ATP8B4: variants seen among roughly 807,000 people sequenced by gnomAD.
The protein encoded by ATP8B4 is probable phospholipid-transporting ATPase IM.
A neutral mutation model predicts 145.6 loss-of-function variants in ATP8B4; 133 were observed. The ratio of observed to expected loss-of-function variants is 0.91; its 90% CI spans 0.79 to 1.05. The LOEUF is 1.05. ATP8B4 is among the 50% of genes least tolerant of loss of function. The probability of loss-of-function intolerance (pLI) is 0.00; values close to 1 mark genes in which losing one functional copy is unlikely to be tolerated. For missense variants in ATP8B4, 1,458 were observed against 1,425.2 expected (o/e 1.02, Z -0.37); for synonymous variants, 507 against 492.9 (o/e 1.03, Z -0.38).
At chr15:49,860,683 TTAAG>T (rs2031521234) in intron 27 of ATP8B4, among the ~76,000 whole-genome samples, 1 of 152,170 alleles carries the variant, frequency 6.6e-6, no homozygotes, top group African/African-American at 2.4e-5. Context: ...CGAGACACTA[TTAAG>T]TAATTAAGAA....
At chr15:50,085,502 G>C (rs768056428) in intron 2 of ATP8B4, among the ~76,000 whole-genome samples, 1 of 151,918 alleles carries the variant, frequency 6.6e-6, no homozygotes, top group Admixed American at 6.6e-5. Context: ...GCAGATCCAC[G>C]CAGTGCCGTA....
At chr15:49,876,010 C>T (rs1021247231) in intron 25 of ATP8B4, among the ~76,000 whole-genome samples, 1 of 151,892 alleles carries the variant, frequency 6.6e-6, no homozygotes, top group Non-Finnish European at 1.5e-5. Flanking sequence ...ATAGTATAAT[C>T]ATTTCTCTTT....
In ATP8B4 at chr15:50,053,246, AT is replaced by A. The variant is rs540704309; in HGVS notation, c.88-5783del. 5.3e-5 allele frequency among the ~76,000 whole-genome samples: 8 copies of A among 152,336 alleles called. No homozygotes were observed. The South Asian group carries it at 1.7e-3, about 32-fold the overall frequency. On this transcript the variant is annotated intron_variant, in intron 3 of 27. Transcript: ENST00000284509. ...GAAGGGAAATCCAAGGTTCAGAGAG[AT>A]TAAGTAACTTACTAACTTACACGAG...
chr15:50,114,163 C>CATGAGTAA (rs1309841535), intron 1 of ATP8B4, among the ~76,000 whole-genome samples: 1 of 109,548 alleles, frequency 9.1e-6, no homozygotes, highest in Non-Finnish European at 1.7e-5. Flanking sequence ...AGTTTGGTTA[C>CATGAGTAA]ATGAGTAAGT....
intron 3 of ATP8B4, among the ~76,000 whole-genome samples, chr15:50,053,920 A>G (rs186082459): frequency 6.6e-6 from 1 of 152,358 alleles, no homozygotes; most frequent in East Asian, 1.9e-4. Flanking sequence ...ATTAGCAAAC[A>G]TTTGGAGCAT....
intron 1 of ATP8B4, among the ~76,000 whole-genome samples, chr15:50,170,332 A>T (rs957446594): frequency 6.6e-6 from 1 of 152,218 alleles, no homozygotes; most frequent in Non-Finnish European, 1.5e-5. Context: ...TTCTCAGCAG[A>T]AACCCTACAA....
intron 1 of ATP8B4, among the ~76,000 whole-genome samples, chr15:50,110,999 G>A (rs150766297): frequency 1.3e-5 from 2 of 152,172 alleles, no homozygotes; most frequent in African/African-American, 4.8e-5. Flanking sequence ...AAAAGAAGAT[G>A]CCAGTTTGTA....
At chr15:49,927,559 A>G (rs2040841457) in intron 16 of ATP8B4, among the ~76,000 whole-genome samples, 1 of 152,160 alleles carries the variant, frequency 6.6e-6, no homozygotes, top group Non-Finnish European at 1.5e-5. Context: ...GTGGTAGAGC[A>G]CTACCTTTCC....
At chr15:50,122,876 C>T (rs2057282370), upstream of ATP8B4, among the ~76,000 whole-genome samples, 1 of 152,112 alleles carries the variant, frequency 6.6e-6, no homozygotes, top group Non-Finnish European at 1.5e-5. Flanking sequence ...CCACCTTAAG[C>T]CTTAACTTCC....
intron 14 of ATP8B4, among the ~76,000 whole-genome samples, chr15:49,944,901 G>A (rs915507436): frequency 1.3e-5 from 2 of 152,020 alleles, no homozygotes; most frequent in Non-Finnish European, 2.9e-5. Context: ...GAAATCAATA[G>A]CAAAAGGAAA....
chr15:49,873,381 G>T (rs890618669), intron 25 of ATP8B4, among the ~76,000 whole-genome samples: 2 of 152,116 alleles, frequency 1.3e-5, no homozygotes, highest in Non-Finnish European at 2.9e-5. Flanking sequence ...AAATGTAGAC[G>T]CAATCTAACA....
chr15:50,136,727 G>GT (rs914606192), intron 1 of ATP8B4, among the ~76,000 whole-genome samples: 1 of 152,138 alleles, frequency 6.6e-6, no homozygotes, highest in African/African-American at 2.4e-5. Flanking sequence ...TGGTGAGCGT[G>GT]GGGCTCTGGA....
At chr15:50,139,941 C>T (rs1309167322) in intron 1 of ATP8B4, among the ~76,000 whole-genome samples, 1 of 152,000 alleles carries the variant, frequency 6.6e-6, no homozygotes, top group Non-Finnish European at 1.5e-5. Context: ...TATGTTCTCA[C>T]TTATAATAAA....
intron 1 of ATP8B4, among the ~76,000 whole-genome samples, chr15:50,172,606 C>T (rs1209877685): frequency 1.3e-5 from 2 of 152,022 alleles, no homozygotes; most frequent in African/African-American, 2.4e-5. Context: ...GGCCGCCCAT[C>T]GTCTGGGATG....
intron 1 of ATP8B4, among the ~76,000 whole-genome samples, chr15:50,159,773 CATTG>C (rs1256173361): frequency 2.6e-5 from 4 of 152,138 alleles, no homozygotes; most frequent in African/African-American, 9.7e-5. Context: ...CGATGTACCA[CATTG>C]ATTGATTTGT....
In ATP8B4 at chr15:49,877,410, G is replaced by T. The variant is rs1056160134; in HGVS notation, c.2782-887C>A. Among the ~76,000 whole-genome samples, 3 of 152,174 alleles carry T rather than the reference G, an allele frequency of 2.0e-5. No individual in the cohort carries two copies. The South Asian group carries it at 6.2e-4, about 32-fold the overall frequency. Reference sequence around the variant, plus strand: ...GGACCACAGGTGGAGGAGAAGAGGCGAAAGTGGAAGCAACACAGGTGGTGA... The same window carrying T: ...GGACCACAGGTGGAGGAGAAGAGGCTAAAGTGGAAGCAACACAGGTGGTGA... On this transcript the variant is annotated intron_variant, in intron 24 of 27. Coordinates refer to ENST00000284509, the MANE Select transcript of ATP8B4 (RefSeq NM_024837.4).
At position 49,993,946 on chromosome 15, in the gene ATP8B4, G is replaced by C. The variant is rs959697299; in HGVS notation, c.589+2731C>G. On this transcript the variant is annotated intron_variant, in intron 9 of 27. Coordinates refer to ENST00000284509, the MANE Select transcript of ATP8B4 (RefSeq NM_024837.4). The stretch of plus-strand genomic sequence containing the variant: ...GGGGATTTGGTGAGTTGCCCATTCT[G>C]TATGAAGCAAATTCAAGTCATATCT... 2.0e-5 allele frequency among the ~76,000 whole-genome samples: 3 copies of C among 152,090 alleles called. No individual in the cohort carries two copies. The South Asian group carries it at 6.2e-4, about 32-fold the overall frequency.
chr15:50,087,188 T>C (rs2055232082), intron 2 of ATP8B4, among the ~76,000 whole-genome samples: 1 of 129,086 alleles, frequency 7.7e-6, no homozygotes, highest in Non-Finnish European at 1.6e-5. Context: ...TAAATAGATC[T>C]CTGTATATTA....
In ATP8B4 at chr15:49,941,414, GGTAA is replaced by G. The variant is rs974594024; in HGVS notation, c.1288-7236_1288-7233del. Reference sequence around the variant, plus strand: ...GACCTATTGCCATAGGCTGGTGCAAGGTAACACCTAATCACATTTAATACAAAAT... The same window carrying G: ...GACCTATTGCCATAGGCTGGTGCAAGCACCTAATCACATTTAATACAAAAT... On this transcript the variant is annotated intron_variant, in intron 14 of 27. Transcript: ENST00000284509. Among the ~76,000 whole-genome samples the G allele has an allele frequency of 1.3e-5, 2 of 152,068 alleles. 1 individual carries two copies. Among genetic ancestry groups the G allele is most frequent in the Non-Finnish European group, 2.9e-5 (2 of 68,008 alleles).
Sources: allele counts gnomAD v4.1 joint callset (sites outside exome capture counted in the v4.1 genomes callset), GRCh38; gene constraint gnomAD v4.1.1; transcripts MANE v1.5; gene names NCBI Gene and HGNC (gene_info 2026-07-23, HGNC 2026-07-21).